FAM171A1: variants seen among roughly 807,000 people sequenced by gnomAD.
FAM171A1 encodes family with sequence similarity 171 member A1.
FAM171A1 carries 23 observed loss-of-function variants against 74.9 expected under a neutral mutation model. The observed-to-expected ratio is 0.31, with a 90% CI of 0.22 to 0.44. The LOEUF (loss-of-function observed/expected upper bound fraction) is 0.44. Among genes scored for constraint, FAM171A1 ranks in the 20% least tolerant of loss-of-function variants. The pLI, the probability that FAM171A1 is intolerant of heterozygous loss-of-function variation, is 1.00. For synonymous variants in FAM171A1, 527 were observed against 505.7 expected, an observed-to-expected ratio of 1.04 and a Z score of -0.57; for missense variants, 1,162 against 1,159.2, an observed-to-expected ratio of 1.00 and a Z score of -0.03.
intron 1 of FAM171A1, among the ~76,000 whole-genome samples, chr10:15,368,381 T>C (rs1836092043): frequency 6.6e-6 from 1 of 152,238 alleles, no homozygotes; most frequent in Non-Finnish European, 1.5e-5. Flanking sequence ...AGCAATCTAG[T>C]TGGACTACTA....
At chr10:15,368,238 G>T (rs1204685114) in intron 1 of FAM171A1, among the ~76,000 whole-genome samples, 5 of 152,224 alleles carry the variant, frequency 3.3e-5, no homozygotes, top group Admixed American at 1.3e-4. Context: ...GCTACGGGAA[G>T]AGAGTCTGAA....
intron 1 of FAM171A1, among the ~76,000 whole-genome samples, chr10:15,287,392 C>CTT (rs140141279): frequency 3.1e-5 from 4 of 130,948 alleles, no homozygotes; most frequent in African/African-American, 2.8e-5. Context: ...GCGCCGGCCT[C>CTT]TTTTTTTTTT....
chr10:15,293,877 T>G (rs1334334769), intron 1 of FAM171A1, among the ~76,000 whole-genome samples: 1 of 152,192 alleles, frequency 6.6e-6, no homozygotes, highest in African/African-American at 2.4e-5. Context: ...TCTGAAATAG[T>G]CTTCCTCCCT....
chr10:15,236,166 C>T (rs1244395467), intron 5 of FAM171A1, among the ~76,000 whole-genome samples: 2 of 152,046 alleles, frequency 1.3e-5, no homozygotes, highest in African/African-American at 2.4e-5. Flanking sequence ...GTATGGGCCC[C>T]GACCAATCAG....
intron 1 of FAM171A1, among the ~76,000 whole-genome samples, chr10:15,332,126 G>C (rs1835646829): frequency 6.6e-6 from 1 of 151,482 alleles, no homozygotes; most frequent in African/African-American, 2.4e-5. Context: ...CTAATTTTTT[G>C]TATTTTTAGT....
intron 1 of FAM171A1, among the ~76,000 whole-genome samples, chr10:15,304,915 A>C (rs2131831292): frequency 6.6e-6 from 1 of 152,066 alleles, no homozygotes; most frequent in African/African-American, 2.4e-5. Context: ...TTTTGTATTT[A>C]ACAGAGATGG....
intron 3 of FAM171A1, among the ~76,000 whole-genome samples, chr10:15,255,546 C>T (rs188312268): frequency 6.4e-4 from 97 of 152,294 alleles, no homozygotes; most frequent in Admixed American, 1.7e-3. Context: ...TCACCAAACT[C>T]AACTCCTTTG....
chr10:15,367,199 A>AAAAC (rs139900551), intron 1 of FAM171A1, among the ~76,000 whole-genome samples: 14,558 of 151,526 alleles, frequency 0.096, 753 homozygotes, highest in Middle Eastern at 0.15. Flanking sequence ...ACTCCATCTC[A>AAAAC]AAACAAACAA....
chr10:15,370,596 C>T (rs919282684), intron 1 of FAM171A1, among the ~76,000 whole-genome samples: 25 of 152,052 alleles, frequency 1.6e-4, no homozygotes, highest in African/African-American at 4.3e-4. Flanking sequence ...CCCCTCTGTC[C>T]GCGGCGACAT....
chr10:15,352,975 G>A (rs986682018), intron 1 of FAM171A1, among the ~76,000 whole-genome samples: 3 of 152,168 alleles, frequency 2.0e-5, no homozygotes, highest in African/African-American at 7.2e-5. Flanking sequence ...TTGGACAATC[G>A]GTAGATGCAG....
intron 4 of FAM171A1, among the ~76,000 whole-genome samples, chr10:15,249,499 C>A (rs990846960): frequency 6.6e-6 from 1 of 152,128 alleles, no homozygotes; most frequent in Admixed American, 6.5e-5. Flanking sequence ...TGGAAATCAC[C>A]GGAAATAACT....
intron 2 of FAM171A1, among the ~76,000 whole-genome samples, chr10:15,280,597 C>G (rs1834955376): frequency 6.6e-6 from 1 of 152,118 alleles, no homozygotes; most frequent in Non-Finnish European, 1.5e-5. Context: ...TGAAAAAAAC[C>G]TCAACACATC....
intron 1 of FAM171A1, among the ~76,000 whole-genome samples, chr10:15,333,593 C>G (rs1486195832): frequency 6.6e-6 from 1 of 152,160 alleles, no homozygotes; most frequent in African/African-American, 2.4e-5. Flanking sequence ...CTTTGGGAGG[C>G]TGAGTCGGGA....
chr10:15,223,015 A>G (rs1011049092), intron 5 of FAM171A1, among the ~76,000 whole-genome samples: 9 of 152,202 alleles, frequency 5.9e-5, no homozygotes, highest in African/African-American at 1.9e-4. Context: ...CTATTGTACA[A>G]GGGGAGCGAC....
intron 4 of FAM171A1, among the ~76,000 whole-genome samples, chr10:15,253,764 T>G (rs2131766432): frequency 6.6e-6 from 1 of 152,224 alleles, no homozygotes; most frequent in East Asian, 1.9e-4. Flanking sequence ...GTGATTAGTT[T>G]AAAGTGTGGG....
At chr10:15,338,636 A>T (rs942288905) in intron 1 of FAM171A1, among the ~76,000 whole-genome samples, 1 of 152,244 alleles carries the variant, frequency 6.6e-6, no homozygotes, top group Non-Finnish European at 1.5e-5. Context: ...TTGTATTTTT[A>T]GCTAACAAGC....
chr10:15,266,695 C>A (rs958686667), intron 3 of FAM171A1, among the ~76,000 whole-genome samples: 3 of 151,720 alleles, frequency 2.0e-5, no homozygotes, highest in African/African-American at 7.3e-5. Flanking sequence ...GCGAGACCCC[C>A]GTCTCTACTA....
intron 5 of FAM171A1, among the ~76,000 whole-genome samples, chr10:15,238,450 T>A (rs1268477494): frequency 6.6e-6 from 1 of 152,166 alleles, no homozygotes; most frequent in Non-Finnish European, 1.5e-5. Context: ...CCATGTTCAA[T>A]AATAGTTTCA....
upstream of FAM171A1, among the ~76,000 whole-genome samples, chr10:15,371,946 G>A (rs545775311): frequency 6.6e-6 from 1 of 152,144 alleles, no homozygotes; most frequent in Non-Finnish European, 1.5e-5. Context: ...AACAAGTGGG[G>A]ATTTATAACC....
Sources: allele counts gnomAD v4.1 joint callset (sites outside exome capture counted in the v4.1 genomes callset), GRCh38; gene constraint gnomAD v4.1.1; transcripts MANE v1.5; gene names NCBI Gene and HGNC (gene_info 2026-07-23, HGNC 2026-07-21).